P2RX7: variants seen among roughly 807,000 people sequenced by gnomAD.
P2RX7 encodes the protein P2X purinoceptor 7.
A neutral mutation model predicts 71.6 loss-of-function variants in P2RX7; 62 were observed. That is an observed-to-expected ratio of 0.87 (90% CI 0.71 to 1.07). The LOEUF (loss-of-function observed/expected upper bound fraction) is 1.07, where lower values mean the gene tolerates loss of function less well. P2RX7 is among the 50% of genes least tolerant of loss of function. The pLI is 0.00. For synonymous variants in P2RX7, 299 were observed against 283.3 expected, an observed-to-expected ratio of 1.06 and a Z score of -0.56; for missense variants, 686 against 748.5, an observed-to-expected ratio of 0.92 and a Z score of 0.97.
chr12:121,165,452 T>C lies in P2RX7; in HGVS notation c.614+15T>C. The C allele has an allele frequency of 1.9e-6, 3 of 1,604,844 alleles. No individual in the cohort carries two copies. Among genetic ancestry groups the C allele is most frequent in the Non-Finnish European group, 2.6e-6 (3 of 1,171,536 alleles). On this transcript the variant is annotated intron_variant, in intron 6 of 12. Transcript: ENST00000328963. Reference sequence around the variant, plus strand: ...AACTACACCACGTAAGTGCCCAGGCTGCCTGGCTGTCTTAGTTATCTACTG... The same window carrying C: ...AACTACACCACGTAAGTGCCCAGGCCGCCTGGCTGTCTTAGTTATCTACTG...
intron 9 of P2RX7, 104 bp downstream of exon 9, chr12:121,175,582 C>A: frequency 1.4e-6 from 1 of 693,210 alleles, no homozygotes; most frequent in Admixed American, 2.2e-5. Flanking sequence ...CAGCCTTCAG[C>A]TAGCACTGGG....
chr12:121,162,791 C>G (rs563796944), intron 5 of P2RX7, among the ~76,000 whole-genome samples: 1 of 152,042 alleles, frequency 6.6e-6, no homozygotes, highest in Admixed American at 6.6e-5. Flanking sequence ...CCCCTTCCTT[C>G]CCCCAGATCT....
At chr12:121,139,317 T>C (rs1874342850) in intron 1 of P2RX7, among the ~76,000 whole-genome samples, 4 of 152,232 alleles carry the variant, frequency 2.6e-5, no homozygotes, top group Admixed American at 2.6e-4. Context: ...TAAAAGTTGG[T>C]TGCATTCTCT....
intron 5 of P2RX7, among the ~76,000 whole-genome samples, chr12:121,164,739 G>A (rs922033372): frequency 5.3e-5 from 8 of 151,990 alleles, no homozygotes; most frequent in Non-Finnish European, 8.8e-5. Context: ...CCAAGATCGC[G>A]CCACTGCACT....
intron 5 of P2RX7, among the ~76,000 whole-genome samples, 196 bp from the exon 6 acceptor site, chr12:121,165,161 G>A (rs1389821297): frequency 1.3e-5 from 2 of 152,202 alleles, no homozygotes; most frequent in Non-Finnish European, 2.9e-5. Context: ...CAAGAAGGGA[G>A]AAATTCTTCT....
chr12:121,153,531 A>G (rs1239233124), intron 1 of P2RX7, among the ~76,000 whole-genome samples: 1 of 152,070 alleles, frequency 6.6e-6, no homozygotes, highest in Non-Finnish European at 1.5e-5. Context: ...TACAAAAATT[A>G]GCAAAGTGTG....
chr12:121,171,233 G>T (rs1232524098), intron 8 of P2RX7, among the ~76,000 whole-genome samples: 1 of 152,006 alleles, frequency 6.6e-6, no homozygotes, highest in South Asian at 2.1e-4. Flanking sequence ...TCTACGGGAG[G>T]GTCCTCTCTT....
chr12:121,176,351 T>C (rs1883120498), intron 9 of P2RX7, among the ~76,000 whole-genome samples: 1 of 151,830 alleles, frequency 6.6e-6, no homozygotes, highest in Non-Finnish European at 1.5e-5. Context: ...AATCAACATA[T>C]CCCACGACAT....
chr12:121,155,332 T>C (rs1360943980), intron 2 of P2RX7: 1 of 1,300,782 alleles, frequency 7.7e-7, no homozygotes, highest in Non-Finnish European at 1.0e-6. Context: ...CTAGATTGTG[T>C]AGCATTTCAT....
intron 1 of P2RX7, among the ~76,000 whole-genome samples, chr12:121,148,710 C>G (rs888927188): frequency 6.6e-6 from 1 of 152,118 alleles, no homozygotes; most frequent in Non-Finnish European, 1.5e-5. Flanking sequence ...TGCTGGCTCT[C>G]CCCCACTTTC....
At chr12:121,139,041 A>G (rs929445239) in intron 1 of P2RX7, among the ~76,000 whole-genome samples, 2 of 152,110 alleles carry the variant, frequency 1.3e-5, no homozygotes, top group African/African-American at 4.8e-5. Context: ...TCCCGGGTTC[A>G]GGTGATTTTC....
At chr12:121,146,266 C>CCTCTTATT (rs575667523) in intron 1 of P2RX7, among the ~76,000 whole-genome samples, 24 of 149,530 alleles carry the variant, frequency 1.6e-4, no homozygotes, top group Non-Finnish European at 3.0e-4. Context: ...ACATGACCAT[C>CCTCTTATT]CTCTTATTTG....
rs577625985 is a variant in P2RX7, at chr12:121,135,359, AT to A, written c.125+2271del. On this transcript the variant is annotated intron_variant, in intron 1 of 12. Transcript: ENST00000328963. Reference sequence around the variant, plus strand: ...TCTCAAAATAATAATAATAGTAATAATTTTTTTGATTATATAATAGTATATA... The same window carrying A: ...TCTCAAAATAATAATAATAGTAATAATTTTTTGATTATATAATAGTATATA... Among the ~76,000 whole-genome samples, 60 of 151,766 alleles carry A rather than the reference AT, an allele frequency of 4.0e-4. No homozygotes were observed. In the South Asian group the frequency reaches 9.8e-3, roughly 25 times the overall value.
rs1217035505 is a variant in P2RX7 at position 121,184,674 on chromosome 12, G to A, written c.1660G>A (p.Ala554Thr). The A allele has an allele frequency of 1.3e-6, 2 of 1,584,782 alleles. No homozygotes were observed. The highest frequency in any genetic ancestry group is 1.3e-5 in the African/African-American group (1 of 74,078). Residue 554 changes from alanine (A) to threonine (T), a missense_variant, in exon 13 of 13, where the codon GCC becomes ACC. By Grantham distance (58) the Ala-to-Thr change is moderately conservative (BLOSUM62 0). Coordinates refer to ENST00000328963, the MANE Select transcript of P2RX7 (RefSeq NM_002562.6). ...RLRHCAYRCY[A>T]TWRFGSQDMA... Reference sequence around the variant, plus strand: ...GCGGCACTGTGCCTACAGGTGCTACGCCACCTGGCGCTTCGGCTCCCAGGA... The same window carrying A: ...GCGGCACTGTGCCTACAGGTGCTACACCACCTGGCGCTTCGGCTCCCAGGA...
At chr12:121,155,780 A>AT (rs1878446573) in intron 2 of P2RX7, among the ~76,000 whole-genome samples, 1 of 151,386 alleles carries the variant, frequency 6.6e-6, no homozygotes, top group South Asian at 2.1e-4. Context: ...ATTTAATGAG[A>AT]TTTTTACTGC....
intron 1 of P2RX7, among the ~76,000 whole-genome samples, chr12:121,143,449 A>G (rs1346313990): frequency 6.6e-6 from 1 of 151,560 alleles, no homozygotes; most frequent in Non-Finnish European, 1.5e-5. Flanking sequence ...AGCTACTGGG[A>G]AGGCTGAGGT....
intron 12 of P2RX7, 47 bp from the exon 13 acceptor site, chr12:121,184,258 C>A (rs766900160): frequency 4.6e-6 from 7 of 1,527,934 alleles, no homozygotes; most frequent in East Asian, 2.3e-5. Context: ...GAACCTAGAA[C>A]CTGAGGGCTT....
chr12:121,148,882 C>T (rs917109494), intron 1 of P2RX7: 2 of 332,742 alleles, frequency 6.0e-6, no homozygotes, highest in African/African-American at 2.2e-5. Flanking sequence ...ACAGTCCTGG[C>T]GCTACTGTTC....
chr12:121,181,240 A>T (rs1884099156), intron 12 of P2RX7, among the ~76,000 whole-genome samples: 1 of 152,166 alleles, frequency 6.6e-6, no homozygotes, highest in African/African-American at 2.4e-5. Context: ...TCATGATGCC[A>T]TGTATAGTTC....
Sources: gnomAD v4.1 joint callset for allele counts (sites outside exome capture counted in the v4.1 genomes callset) on GRCh38, gnomAD v4.1.1 for gene constraint, MANE v1.5 for transcripts, NCBI Gene and HGNC (gene_info 2026-07-23, HGNC 2026-07-21) for gene names.